Variants in ARHGAP24 observed in about 807,000 individuals in gnomAD.
The protein encoded by ARHGAP24 is rho GTPase-activating protein 24.
Under a neutral mutation model 76.4 loss-of-function variants are expected in ARHGAP24, and 50 were observed. That is an observed-to-expected ratio of 0.65 (90% CI 0.52 to 0.83). ARHGAP24 has a LOEUF of 0.83. Ranked by LOEUF, ARHGAP24 falls within the 40% of genes least tolerant of loss-of-function variation. The pLI is 0.00. For missense variants in ARHGAP24, 930 were observed against 914.2 expected, an observed-to-expected ratio of 1.02 and a Z score of -0.22; for synonymous variants, 345 against 323.3, an observed-to-expected ratio of 1.07 and a Z score of -0.72.
chr4:85,582,697 C>T (rs949032619), intron 2 of ARHGAP24, among the ~76,000 whole-genome samples: 2 of 152,116 alleles, frequency 1.3e-5, no homozygotes, highest in Middle Eastern at 3.4e-3. Flanking sequence ...ATACTTTAAT[C>T]GTTCAACTCT....
chr4:85,601,056 A>G lies in ARHGAP24; in HGVS notation c.180+30335A>G, dbSNP rs184308336. ...CATAGCAGTATTTTAATGACTTGTT[A>G]CATATTTTTACTTTATTCATTTTTG... On this transcript the variant is annotated intron_variant, in intron 2 of 9. Coordinates refer to ENST00000395184, the MANE Select transcript of ARHGAP24 (RefSeq NM_001025616.3). Among the ~76,000 whole-genome samples, 5 of 152,346 alleles carry G rather than the reference A, an allele frequency of 3.3e-5. No homozygotes were observed. The East Asian group carries it at 7.7e-4, about 23-fold the overall frequency.
At chr4:85,957,000 AGATGATT>A in intron 5 of ARHGAP24, among the ~76,000 whole-genome samples, 1 of 152,330 alleles carries the variant, frequency 6.6e-6, no homozygotes, top group South Asian at 2.1e-4. Flanking sequence ...CTCAGGCGGT[AGATGATT>A]GGCTATTTCT....
intron 1 of ARHGAP24, among the ~76,000 whole-genome samples, chr4:85,538,219 G>C (rs2110121040): frequency 6.6e-6 from 1 of 152,242 alleles, no homozygotes; most frequent in South Asian, 2.1e-4. Context: ...TTGCTCAACA[G>C]TTTTAATATC....
rs577864085 is a variant in ARHGAP24, at chr4:85,784,641, T to G, written c.268+62669T>G. Among the ~76,000 whole-genome samples the G allele has an allele frequency of 1.3e-3, 198 of 152,170 alleles. 1 individual carries two copies. Among genetic ancestry groups the G allele is most frequent in the Non-Finnish European group, 2.1e-3 (143 of 67,994 alleles). ...TCAGGGCCTCCTATTCAATGCTGTC[T>G]ATGGTATTCCAGTGCTTCAAACTCC... On this transcript the variant is annotated intron_variant, in intron 3 of 9. Transcript: ENST00000395184.
At chr4:85,476,922 T>G (rs1722621925) in intron 1 of ARHGAP24, among the ~76,000 whole-genome samples, 1 of 152,226 alleles carries the variant, frequency 6.6e-6, no homozygotes, top group South Asian at 2.1e-4. Flanking sequence ...GTTACCATTT[T>G]ATCTTCCCTG....
intron 4 of ARHGAP24, among the ~76,000 whole-genome samples, chr4:85,927,191 C>G (rs923760294): frequency 6.6e-6 from 1 of 152,150 alleles, no homozygotes; most frequent in African/African-American, 2.4e-5. Context: ...TATAACACCA[C>G]GAATGAAGCT....
intron 1 of ARHGAP24, among the ~76,000 whole-genome samples, chr4:85,528,498 T>G (rs1486289532): frequency 6.6e-6 from 1 of 151,992 alleles, no homozygotes; most frequent in Non-Finnish European, 1.5e-5. Context: ...CAGATGGCAA[T>G]TGTAACAACA....
intron 1 of ARHGAP24, among the ~76,000 whole-genome samples, chr4:85,519,220 T>A (rs17010311): frequency 0.18 from 27,811 of 152,078 alleles, 5,247 homozygotes; most frequent in African/African-American, 0.49. Context: ...ATCATGTTTT[T>A]TTCCTCAATT....
rs1481626412 is a variant in ARHGAP24 at position 85,475,537 on chromosome 4, A to G, written c.-43A>G. 2.0e-5 allele frequency: 3 copies of G among 152,004 alleles called. No individual in the cohort carries two copies. The highest frequency in any genetic ancestry group is 3.9e-4 in the East Asian group (2 of 5,100). The allele number at this position is 152,004 out of a possible 1,614,324, so 9.4% of individuals were successfully genotyped here. A position where few individuals can be genotyped will look rare whatever the true frequency, so the allele number is the denominator to read the frequency against. On this transcript the variant is annotated 5_prime_UTR_variant, in exon 1 of 10. Coordinates refer to ENST00000395184, the MANE Select transcript of ARHGAP24 (RefSeq NM_001025616.3). ...CTTCGGAGCAGCAGCCCTGTCCGGCATCTGTCTTGAGCTCCCAGCAAGGTA... is the reference window on the plus strand; with the variant it reads ...CTTCGGAGCAGCAGCCCTGTCCGGCGTCTGTCTTGAGCTCCCAGCAAGGTA...
chr4:85,576,057 T>G (rs1415302156), intron 2 of ARHGAP24, among the ~76,000 whole-genome samples: 3 of 152,198 alleles, frequency 2.0e-5, no homozygotes, highest in African/African-American at 7.2e-5. Context: ...TTTTCTTAAC[T>G]TAGAGGACAA....
intron 2 of ARHGAP24, among the ~76,000 whole-genome samples, chr4:85,667,768 A>G (rs758923392): frequency 1.3e-5 from 2 of 152,216 alleles, no homozygotes; most frequent in Non-Finnish European, 2.9e-5. Flanking sequence ...AAAGGTTTCC[A>G]TGAAAGCCAA....
intron 3 of ARHGAP24, among the ~76,000 whole-genome samples, chr4:85,767,460 C>T (rs942179032): frequency 6.6e-6 from 1 of 152,000 alleles, no homozygotes; most frequent in Non-Finnish European, 1.5e-5. Context: ...TTATTACATA[C>T]CCTAAAATTA....
chr4:85,982,909 A>T (rs527606802), intron 8 of ARHGAP24, among the ~76,000 whole-genome samples: 1 of 152,104 alleles, frequency 6.6e-6, no homozygotes, highest in East Asian at 1.9e-4. Context: ...ACATTTCCTG[A>T]TGTTTTCCCT....
chr4:85,726,792 C>G (rs189740874), intron 3 of ARHGAP24, among the ~76,000 whole-genome samples: 1 of 152,172 alleles, frequency 6.6e-6, no homozygotes, highest in Non-Finnish European at 1.5e-5. Context: ...CTTACTACAA[C>G]TCTATGAGGC....
At chr4:85,877,990 T>TA (rs1329341382) in intron 3 of ARHGAP24, among the ~76,000 whole-genome samples, 2 of 152,198 alleles carry the variant, frequency 1.3e-5, no homozygotes, top group Non-Finnish European at 2.9e-5. Flanking sequence ...TGTAGTTACT[T>TA]AAAATGGAAC....
intron 2 of ARHGAP24, among the ~76,000 whole-genome samples, chr4:85,705,488 GA>G (rs1428282532): frequency 6.6e-6 from 1 of 152,190 alleles, no homozygotes; most frequent in Non-Finnish European, 1.5e-5. Flanking sequence ...CATGTAATCA[GA>G]ACACCTGTAG....
intron 2 of ARHGAP24, among the ~76,000 whole-genome samples, chr4:85,704,307 C>A (rs986316779): frequency 1.3e-5 from 2 of 152,102 alleles, no homozygotes; most frequent in African/African-American, 2.4e-5. Context: ...TAGCTTCCAG[C>A]CTTTTAGTCA....
intron 3 of ARHGAP24, among the ~76,000 whole-genome samples, chr4:85,886,855 G>GTTTA (rs1733595304): frequency 6.6e-6 from 1 of 152,110 alleles, no homozygotes; most frequent in Non-Finnish European, 1.5e-5. Context: ...AAACAAGGAT[G>GTTTA]ACTCACATGG....
intron 3 of ARHGAP24, among the ~76,000 whole-genome samples, chr4:85,860,031 C>A (rs187427405): frequency 7.9e-5 from 12 of 152,218 alleles, no homozygotes; most frequent in African/African-American, 2.6e-4. Flanking sequence ...TGGTATCATA[C>A]TGACCTGAGG....
Sources: gnomAD v4.1 joint callset for allele counts (sites outside exome capture counted in the v4.1 genomes callset) on GRCh38, gnomAD v4.1.1 for gene constraint, MANE v1.5 for transcripts, NCBI Gene and HGNC (gene_info 2026-07-23, HGNC 2026-07-21) for gene names.